COL2A1: variants seen among roughly 807,000 people sequenced by gnomAD.
COL2A1 encodes the protein collagen type II alpha 1 chain, also known as collagen alpha-1(II) chain.
Under a neutral mutation model 204.5 loss-of-function variants are expected in COL2A1, and 28 were observed. The observed-to-expected ratio is 0.14, with a 90% CI of 0.10 to 0.19. The LOEUF is 0.19. Ranked by LOEUF, COL2A1 falls within the 10% of genes least tolerant of loss-of-function variation. The pLI is 1.00. For synonymous variants in COL2A1, 708 were observed against 718.7 expected, an observed-to-expected ratio of 0.99 and a Z score of 0.24; for missense variants, 1,388 against 2,027.5, an observed-to-expected ratio of 0.68 and a Z score of 6.06.
At chr12:47,979,620 T>A (rs1938926555) in intron 40 of COL2A1, 56 bp from the exon 41 acceptor site, 3 of 558,244 alleles carry the variant, frequency 5.4e-6, no homozygotes, top group African/African-American at 2.3e-5. Context: ...GGTTTGAGAT[T>A]AAAATGGGCG....
chr12:47,985,860 A>T, intron 24 of COL2A1, 34 bp from the exon 25 acceptor site: 2 of 1,586,406 alleles, frequency 1.3e-6, no homozygotes, highest in Non-Finnish European at 1.7e-6. Context: ...GTGGGATACC[A>T]TGTGACCTCA....
Position 47,987,819 on chromosome 12 carries a change from A to G in COL2A1, c.1123-110T>C. The stretch of plus-strand genomic sequence containing the variant: ...GCAAGCACAGCACTAAATTATGCAC[A>G]TGCACCCAACCCTGCACATGAACAT... On this transcript the variant is annotated intron_variant, in intron 18 of 53. Coordinates refer to ENST00000380518, the MANE Select transcript of COL2A1 (RefSeq NM_001844.5). The surrounding 1 kb of genome is among the most constrained non-coding windows in gnomAD (Gnocchi z 4.1). The G allele has an allele frequency of 1.3e-6, 1 of 798,520 alleles. No homozygotes were observed. Among genetic ancestry groups the G allele is most frequent in the South Asian group, 1.4e-5 (1 of 69,102 alleles). The allele number at this position is 798,520 out of a possible 1,614,324, so 49.5% of individuals were successfully genotyped here.
At chr12:47,983,822 G>T (rs1441529796) in intron 29 of COL2A1, 86 bp from the exon 30 acceptor site, 10 of 1,413,528 alleles carry the variant, frequency 7.1e-6, no homozygotes, top group African/African-American at 2.8e-5. Context: ...GAGGTCAGCA[G>T]GGTGGGCAGC....
intron 12 of COL2A1, 27 bp downstream of exon 12, chr12:47,994,397 C>A: frequency 6.2e-7 from 1 of 1,613,808 alleles, no homozygotes; most frequent in Non-Finnish European, 8.5e-7. Context: ...AGGAAAGATG[C>A]CTGAGGCTGG....
rs10708850 is a variant in COL2A1 at position 47,999,634 on chromosome 12, A to ATTTTTTTTT, written c.292+276_292+284dup. 1,287 of 156,130 alleles carry ATTTTTTTTT rather than the reference A, an allele frequency of 8.2e-3. 40 individuals are homozygous for ATTTTTTTTT. Among genetic ancestry groups the ATTTTTTTTT allele is most frequent in the East Asian group, 0.027 (106 of 3,922 alleles). The allele number at this position is 156,130 out of a possible 1,614,324, so 9.7% of individuals were successfully genotyped here. A position where few individuals can be genotyped will look rare whatever the true frequency, so the allele number is the denominator to read the frequency against. ...ATTTGCAGAGATGATTTCAGAGAGG[A>ATTTTTTTTT]TTTTTTTTTTTTTTTTTTTGTAGAA... is the stretch of plus-strand genomic sequence containing the variant. On this transcript the variant is annotated intron_variant, in intron 2 of 53. Transcript: ENST00000380518.
chr12:47,985,076 A>G lies in COL2A1; in HGVS notation c.1752T>C (p.Asp584=), dbSNP rs2136564352. ...GAGGACCTGGAGGTCCAGGACGACC[A>G]TCTTCACCAGGGGCTCCCTGAAAGA... ...KVGPSGAPGE[D]GRPGPPGPQG... Residue 584 remains aspartate (D), a synonymous_variant, in exon 27 of 54, where the codon GAT becomes GAC. Transcript: ENST00000380518. 5.6e-6 allele frequency: 9 copies of G among 1,613,666 alleles called. No individual in the cohort carries two copies. The highest frequency in any genetic ancestry group is 7.6e-6 in the Non-Finnish European group (9 of 1,179,888).
chr12:47,974,786 C>T lies in COL2A1; in HGVS notation c.3963G>A (p.Glu1321=). 1 of 1,614,210 alleles carries T rather than the reference C, an allele frequency of 6.2e-7. No individual in the cohort carries two copies. Among genetic ancestry groups the T allele is most frequent in the Non-Finnish European group, 8.5e-7 (1 of 1,180,042 alleles). Residue 1321 remains glutamate, a synonymous_variant, in exon 52 of 54, where the codon GAG becomes GAA. Coordinates refer to ENST00000380518, the MANE Select transcript of COL2A1 (RefSeq NM_001844.5). ...TTGCTGGATTGGGGTAGACGCAAGTCTCGCCAGTCTCCATGTTGCAGAAAA... is the reference window on the plus strand; with the variant it reads ...TTGCTGGATTGGGGTAGACGCAAGTTTCGCCAGTCTCCATGTTGCAGAAAA... ...MKVFCNMETG[E]TCVYPNPANV... is the part of the protein sequence containing the mutation.
chr12:47,999,827 G>A, intron 2 of COL2A1, 92 bp downstream of exon 2: 1 of 1,159,790 alleles, frequency 8.6e-7, no homozygotes, highest in Non-Finnish European at 1.3e-6. Context: ...TAGCCCCTCT[G>A]CTTTGCAGAG....
chr12:47,979,635 G>A, intron 40 of COL2A1, 71 bp from the exon 41 acceptor site: 1 of 557,542 alleles, frequency 1.8e-6, no homozygotes, highest in African/African-American at 2.0e-5. Flanking sequence ...TGGGCGGGGG[G>A]CGGGGGTGGT....
In COL2A1 at chr12:47,984,092, G is replaced by A; in HGVS notation, c.1936C>T (p.Pro646Ser). The A allele has an allele frequency of 6.2e-7, 1 of 1,612,872 alleles. No homozygotes were observed. The highest frequency in any genetic ancestry group is 8.5e-7 in the Non-Finnish European group (1 of 1,179,590). ...GAGGCTGGGCAGGTACTTACAGCAG[G>A]GCCAGGGGGTCCTGCAGCACCTGTC... ...GETGAAGPPG[P>S]AGPAGERGEQ... Residue 646 changes from proline (P) to serine (S), a missense_variant, in exon 29 of 54, where the codon CCT (proline) becomes TCT (serine). Around this residue, in one of 3 missense-constraint regions of COL2A1, gnomAD observed 884 missense variants for 1,415.8 expected, o/e 0.62. Transcript: ENST00000380518.
Position 47,982,894 on chromosome 12 carries a change from T to C in COL2A1, c.2147A>G (p.Gln716Arg), listed in dbSNP as rs1252045461. 5.6e-6 allele frequency: 9 copies of C among 1,613,036 alleles called. No individual in the cohort carries two copies. The highest frequency in any genetic ancestry group is 7.6e-6 in the Non-Finnish European group (9 of 1,179,902). The change falls in exon 33 of 54, where the codon CAG (glutamine) becomes CGG (arginine). Residue 716 changes from glutamine to arginine, a missense_variant. Transcript: ENST00000380518. ...ERGSPGAQGL[Q>R]GPRGLPGTPG... Reference sequence around the variant, plus strand: ...AGTGCCGGGGAGGCCACGGGGACCCTGGAGGCCCTGGGCACCGGGAGAGCC... The same window carrying C: ...AGTGCCGGGGAGGCCACGGGGACCCCGGAGGCCCTGGGCACCGGGAGAGCC...
At position 47,975,570 on chromosome 12, in the gene COL2A1, T is replaced by C; in HGVS notation, c.3633A>G (p.Pro1211=). 6.2e-7 allele frequency: 1 copy of C among 1,601,974 alleles called. No homozygotes were observed. The highest frequency in any genetic ancestry group is 8.5e-7 in the Non-Finnish European group (1 of 1,179,884). The change falls in exon 51 of 54, where the codon CCA becomes CCG. Residue 1211 remains proline (P), a synonymous_variant. Coordinates refer to ENST00000380518, the MANE Select transcript of COL2A1 (RefSeq NM_001844.5). ...PPGNPGPPGP[P]GPPGPGIDMS... is the part of the protein sequence containing the mutation. The stretch of plus-strand genomic sequence containing the variant: ...TGTCGATGCCAGGGCCAGGGGGACC[T>C]GGAGGACCAGGGGGTCCAGGATTTC...
chr12:47,985,669 G>A, intron 25 of COL2A1, 59 bp downstream of exon 25: 1 of 1,605,102 alleles, frequency 6.2e-7, no homozygotes, highest in Non-Finnish European at 8.5e-7. Flanking sequence ...GCTGGAAGGA[G>A]CCAGCCAGGA....
intron 15 of COL2A1, among the ~76,000 whole-genome samples, chr12:47,993,140 G>A (rs763146291): frequency 2.6e-5 from 4 of 152,308 alleles, no homozygotes; most frequent in South Asian, 2.1e-4. Flanking sequence ...CGGAACACAC[G>A]AATGTTCCTG....
In COL2A1 at chr12:47,980,719, T is replaced by A. The variant is rs916462878; in HGVS notation, c.2518-58A>T. The A allele has an allele frequency of 6.7e-5, 103 of 1,540,048 alleles. No individual in the cohort carries two copies. In the African/African-American group the frequency reaches 1.3e-3, roughly 19 times the overall value. The stretch of plus-strand genomic sequence containing the variant: ...GGGCAGGCTAAAACCCTGGAGCTCT[T>A]CCAGAAGAGCAGGAGACTCTGTGAG... On this transcript the variant is annotated intron_variant, in intron 38 of 53. Coordinates refer to ENST00000380518, the MANE Select transcript of COL2A1 (RefSeq NM_001844.5). This position sits in a 1 kb window ranked among gnomAD's most constrained non-coding sequence, Gnocchi z 4.5.
In COL2A1 at chr12:47,978,688, C is replaced by T; in HGVS notation, c.2804G>A (p.Ser935Asn). The change falls in exon 42 of 54, where the codon AGC becomes AAC. Residue 935 changes from serine (S) to asparagine (N), a missense_variant. Ser to Asn is a conservative substitution (Grantham distance 46). Coordinates refer to ENST00000380518, the MANE Select transcript of COL2A1 (RefSeq NM_001844.5). This position sits in a 1 kb window ranked among gnomAD's most constrained non-coding sequence, Gnocchi z 5.5. ...KDGPKGARGDSGPPGRAGEPG... is the reference protein window; with the variant it reads ...KDGPKGARGDNGPPGRAGEPG... ...TTCACCAGCTCGGCCAGGGGGGCCG[C>T]TGTCTCCTCGAGCACCTTTGGGACC... is the stretch of plus-strand genomic sequence containing the variant. 1 of 1,613,320 alleles carries T rather than the reference C, an allele frequency of 6.2e-7. No homozygotes were observed. Among genetic ancestry groups the T allele is most frequent in the Non-Finnish European group, 8.5e-7 (1 of 1,180,006 alleles).
At chr12:47,990,299 C>T (rs573982166) in intron 16 of COL2A1, among the ~76,000 whole-genome samples, 17 of 152,336 alleles carry the variant, frequency 1.1e-4, no homozygotes, top group South Asian at 1.0e-3. Flanking sequence ...CGTGAGCCAC[C>T]GCACCTGGCC....
In COL2A1 at chr12:47,978,714, A is replaced by G. The variant is rs745615536; in HGVS notation, c.2778T>C (p.Asp926=). The G allele has an allele frequency of 6.2e-7, 1 of 1,613,112 alleles. No homozygotes were observed. Among genetic ancestry groups the G allele is most frequent in the Non-Finnish European group, 8.5e-7 (1 of 1,179,970 alleles). The change falls in exon 42 of 54, where the codon GAT becomes GAC. Residue 926 remains aspartate, a synonymous_variant. Coordinates refer to ENST00000380518, the MANE Select transcript of COL2A1 (RefSeq NM_001844.5). The surrounding 1 kb of genome is among the most constrained non-coding windows in gnomAD (Gnocchi z 5.5). ...PPGPPGPSGK[D]GPKGARGDSG... ...TGTCTCCTCGAGCACCTTTGGGACCATCTTTTCCAGAAGGACCAGGGGGAC... is the reference window on the plus strand; with the variant it reads ...TGTCTCCTCGAGCACCTTTGGGACCGTCTTTTCCAGAAGGACCAGGGGGAC...
intron 2 of COL2A1, among the ~76,000 whole-genome samples, chr12:47,999,191 T>C (rs1197948696): frequency 6.6e-6 from 1 of 152,152 alleles, no homozygotes; most frequent in Admixed American, 6.5e-5. Context: ...TGCAGGGAGA[T>C]AGGACATCTG....
Sources: gnomAD v4.1 joint callset for allele counts (sites outside exome capture counted in the v4.1 genomes callset) on GRCh38, gnomAD v4.1.1 for gene constraint, gnomAD v4.1.1 regional missense constraint, Gnocchi (gnomAD v3.1) non-coding constraint, MANE v1.5 for transcripts, NCBI Gene and HGNC (gene_info 2026-07-23, HGNC 2026-07-21) for gene names.